ASB12: variants seen among roughly 807,000 people sequenced by gnomAD.
ASB12 encodes the protein ankyrin repeat and SOCS box protein 12.
A neutral mutation model predicts 13.7 loss-of-function variants in ASB12; 17 were observed. The observed-to-expected ratio is 1.24, with a 90% CI of 0.85 to 1.86. The LOEUF is 1.86. Ranked by LOEUF, ASB12 falls within the 40% of genes most tolerant of loss-of-function variation. ASB12 has a pLI of 0.00. For missense variants in ASB12, 329 were observed against 250.5 expected, an observed-to-expected ratio of 1.31 and a Z score of -2.11; for synonymous variants, 107 against 99.8, an observed-to-expected ratio of 1.07 and a Z score of -0.43.
At position 64,225,205 on chromosome X, in the gene ASB12, T is replaced by G; in HGVS notation, c.446A>C (p.Asp149Ala). The change falls in exon 2 of 3, where the codon GAT becomes GCT. Residue 149 changes from aspartate to alanine, a missense_variant. Asp to Ala is a moderately radical substitution (Grantham distance 126, BLOSUM62 -2). Transcript: ENST00000362002. ...CTCCTGCAGGATAGCAACAGCACCA[T>G]CACGGGCAGCTGTGAGCACGGGAGA... is the stretch of plus-strand genomic sequence containing the variant. ...NCSPVLTAAR[D>A]GAVAILQELL... 5.8e-6 allele frequency: 7 copies of G among 1,211,559 alleles called. No homozygotes were observed. The highest frequency in any genetic ancestry group is 7.8e-6 in the Non-Finnish European group (7 of 895,457).
intron 1 of ASB12, among the ~76,000 whole-genome samples, chrX:64,226,298 C>T (rs967180534): frequency 8.9e-6 from 1 of 112,641 alleles, no homozygotes; most frequent in African/African-American, 3.2e-5. Context: ...TCATATATGA[C>T]TAAAGCTCCC....
intron 1 of ASB12, among the ~76,000 whole-genome samples, chrX:64,227,139 T>C (rs1312236762): frequency 9.0e-6 from 1 of 111,422 alleles, no homozygotes; most frequent in Admixed American, 9.5e-5. Flanking sequence ...TTTCCTCATC[T>C]ATAAGACAGA....
Position 64,225,233 on chromosome X carries a change from A to G in ASB12, c.418T>C (p.Cys140Arg), listed in dbSNP as rs1346421273. 51 of 1,211,562 alleles carry G rather than the reference A, an allele frequency of 4.2e-5. No homozygotes were observed. The highest frequency in any genetic ancestry group is 5.6e-5 in the Non-Finnish European group (50 of 895,434). ...CGGGCAGCTGTGAGCACGGGAGAAC[A>G]GTTGTTGTAGATGCTACCACCAGGA... ...ASPGGSIYNNCSPVLTAARDG... is the reference protein window; with the variant it reads ...ASPGGSIYNNRSPVLTAARDG... The change falls in exon 2 of 3, where the codon TGT becomes CGT. Residue 140 changes from cysteine (C) to arginine (R), a missense_variant. Coordinates refer to ENST00000362002, the MANE Select transcript of ASB12 (RefSeq NM_130388.4).
At chrX:64,229,996 G>T (rs774189164) in intron 1 of ASB12, among the ~76,000 whole-genome samples, 2 of 111,435 alleles carry the variant, frequency 1.8e-5, no homozygotes, top group Non-Finnish European at 3.8e-5. Context: ...ACTCCCACAG[G>T]AAAGTGGTTG....
rs775051999 is a variant in ASB12, at chrX:64,225,074, G to T, written c.577C>A (p.His193Asn). The T allele has an allele frequency of 4.1e-6, 5 of 1,209,790 alleles. No individual in the cohort carries two copies. The African/African-American group carries it at 8.8e-5, about 21-fold the overall frequency. ...AAAAGCAGGCGGAAACAGTCCAGGT[G>T]CCCGTAGACTGCGGCCAAATAGAGG... ...GPLYLAAVYG[H>N]LDCFRLLLLH... Residue 193 changes from histidine (H) to asparagine (N), a missense_variant, in exon 2 of 3, where the codon CAC (histidine) becomes AAC (asparagine). His to Asn is a moderately conservative substitution (Grantham distance 68). Coordinates refer to ENST00000362002, the MANE Select transcript of ASB12 (RefSeq NM_130388.4).
chrX:64,226,257 AT>A (rs756491517), intron 1 of ASB12, among the ~76,000 whole-genome samples: 1 of 111,934 alleles, frequency 8.9e-6, no homozygotes, highest in Admixed American at 9.4e-5. Context: ...CCTTAACTCC[AT>A]TTTCAGATAG....
At position 64,225,345 on chromosome X, in the gene ASB12, C is replaced by T. The variant is rs1930924155; in HGVS notation, c.306G>A (p.Leu102=). The T allele has an allele frequency of 8.3e-7, 1 of 1,208,795 alleles. No homozygotes were observed. Among genetic ancestry groups the T allele is most frequent in the Non-Finnish European group, 1.1e-6 (1 of 893,966 alleles). ...AAAGTGGCGTCTGTGCCTTGACATC[C>T]AAGCTGTCAACATCAGCACCATGGG... ...LLAHGADVDS[L]DVKAQTPLFT... Residue 102 remains leucine (L), a synonymous_variant, in exon 2 of 3, where the codon TTG becomes TTA. Coordinates refer to ENST00000362002, the MANE Select transcript of ASB12 (RefSeq NM_130388.4).
At chrX:64,229,146 G>T in intron 1 of ASB12, among the ~76,000 whole-genome samples, 1 of 111,774 alleles carries the variant, frequency 8.9e-6, no homozygotes, top group African/African-American at 3.2e-5. Flanking sequence ...CAGGGTCTTC[G>T]GTAATGGAAG....
At chrX:64,227,964 G>A (rs1569198791) in intron 1 of ASB12, among the ~76,000 whole-genome samples, 2 of 112,335 alleles carry the variant, frequency 1.8e-5, no homozygotes, top group East Asian at 5.7e-4. Flanking sequence ...CTTCATCTAG[G>A]CCCCCACTGC....
intron 1 of ASB12, among the ~76,000 whole-genome samples, chrX:64,230,120 G>A (rs2147106359): frequency 9.0e-6 from 1 of 110,601 alleles, no homozygotes; most frequent in Non-Finnish European, 1.9e-5. Context: ...CCACTCTAAG[G>A]CACCCACACA....
At position 64,226,115 on chromosome X, in the gene ASB12, A is replaced by G. The variant is rs181957184; in HGVS notation, c.-24-441T>C. ...TCATGGCTGGAAATCTGGTAGATGC[A>G]TTTTCCTCAGTTCAGAATGTGTGGA... On this transcript the variant is annotated intron_variant, in intron 1 of 2. Coordinates refer to ENST00000362002, the MANE Select transcript of ASB12 (RefSeq NM_130388.4). Among the ~76,000 whole-genome samples the G allele has an allele frequency of 3.0e-4, 34 of 112,325 alleles. No homozygotes were observed. The East Asian group carries it at 9.5e-3, about 32-fold the overall frequency.
At position 64,225,139 on chromosome X, in the gene ASB12, A is replaced by G. The variant is rs778607305; in HGVS notation, c.512T>C (p.Leu171Pro). The change falls in exon 2 of 3, where the codon CTA becomes CCA. Residue 171 changes from leucine to proline, a missense_variant. Physicochemically the swap from Leu to Pro is moderately conservative, Grantham distance 98. Transcript: ENST00000362002. ...HGAEANVKAK[L>P]PVWASNIASC... ...AGCTATGTTTGATGCCCAGACTGGT[A>G]GTTTAGCTTTGACGTTGGCCTCTGC... 1 of 1,209,539 alleles carries G rather than the reference A, an allele frequency of 8.3e-7. No individual in the cohort carries two copies. The highest frequency in any genetic ancestry group is 1.8e-5 in the South Asian group (1 of 56,692).
chrX:64,229,735 G>C (rs1174580370), intron 1 of ASB12, among the ~76,000 whole-genome samples: 1 of 112,090 alleles, frequency 8.9e-6, no homozygotes, highest in Non-Finnish European at 1.9e-5. Flanking sequence ...TTTCTAAGTG[G>C]TAATAAATGA....
intron 2 of ASB12, 132 bp from the exon 3 acceptor site, chrX:64,224,600 A>G: frequency 1.1e-6 from 1 of 886,584 alleles, no homozygotes; most frequent in South Asian, 2.7e-5. Context: ...AGTCATTGGC[A>G]GAGCCAGAAC....
chrX:64,226,625 T>TCAA (rs775599602), intron 1 of ASB12: 1 of 602,531 alleles, frequency 1.7e-6, no homozygotes, highest in Non-Finnish European at 2.0e-6. Flanking sequence ...AGCCTTTGAC[T>TCAA]CAACCTTCAA....
rs771729275 is a variant in ASB12, at chrX:64,229,140, G to T, written c.-25+1323C>A. 2.7e-5 allele frequency among the ~76,000 whole-genome samples: 3 copies of T among 111,889 alleles called. No individual in the cohort carries two copies. In the East Asian group the frequency reaches 8.4e-4, roughly 31 times the overall value. On this transcript the variant is annotated intron_variant, in intron 1 of 2. Coordinates refer to ENST00000362002, the MANE Select transcript of ASB12 (RefSeq NM_130388.4). ...TTTGAGTGTCATGCTGAATTCCAGGGTCTTCGGTAATGGAAGGTTCCTTTA... is the reference window on the plus strand; with the variant it reads ...TTTGAGTGTCATGCTGAATTCCAGGTTCTTCGGTAATGGAAGGTTCCTTTA...
At chrX:64,224,516 C>A in intron 2 of ASB12, 48 bp from the exon 3 acceptor site, 15 of 1,160,746 alleles carry the variant, frequency 1.3e-5, no homozygotes, top group East Asian at 3.1e-5. Flanking sequence ...CAGCAAAATT[C>A]TCCCACACAA....
chrX:64,224,401 C>G lies in ASB12; in HGVS notation c.891G>C (p.Gln297His), dbSNP rs1307033710. ...TATCCAGCTGGTTGATGGCTTGTGGCTGGCCAGCCTGGCACAAGGCTCTGC... is the reference window on the plus strand; with the variant it reads ...TATCCAGCTGGTTGATGGCTTGTGGGTGGCCAGCCTGGCACAAGGCTCTGC... ...VVRRALCQAG[Q>H]PQAINQLDIP... Residue 297 changes from glutamine to histidine, a missense_variant, in exon 3 of 3, where the codon CAG (glutamine) becomes CAC (histidine). Coordinates refer to ENST00000362002, the MANE Select transcript of ASB12 (RefSeq NM_130388.4). 8.3e-7 allele frequency: 1 copy of G among 1,207,148 alleles called. No homozygotes were observed. Among genetic ancestry groups the G allele is most frequent in the Non-Finnish European group, 1.1e-6 (1 of 893,172 alleles).
chrX:64,224,581 G>T (rs1930892435), intron 2 of ASB12, 113 bp from the exon 3 acceptor site: 2 of 928,485 alleles, frequency 2.2e-6, no homozygotes, highest in Non-Finnish European at 2.9e-6. Context: ...TCCTTTCCAA[G>T]AAATAAACAG....
Sources: allele counts gnomAD v4.1 joint callset (sites outside exome capture counted in the v4.1 genomes callset), GRCh38; gene constraint gnomAD v4.1.1; transcripts MANE v1.5; gene names NCBI Gene and HGNC (gene_info 2026-07-23, HGNC 2026-07-21).